The following XXYLT1 variants were observed in gnomAD, a reference collection of about 807,000 sequenced individuals.
XXYLT1 encodes UDP-xylose:alpha-xyloside alpha-1,3-xylosyltransferase.
In XXYLT1, 20 loss-of-function variants were observed where a neutral mutation model predicts 28.9. The observed-to-expected ratio is 0.69, with a 90% CI of 0.49 to 1.00. The LOEUF (loss-of-function observed/expected upper bound fraction) is 1.00. Ranked by LOEUF, XXYLT1 falls within the 50% of genes least tolerant of loss-of-function variation. XXYLT1 has a pLI of 0.00. For missense variants in XXYLT1, 542 were observed against 560.1 expected, an observed-to-expected ratio of 0.97 and a Z score of 0.33; for synonymous variants, 257 against 253.8, an observed-to-expected ratio of 1.01 and a Z score of -0.12.
intron 2 of XXYLT1, among the ~76,000 whole-genome samples, chr3:195,208,966 G>C (rs1208457459): frequency 1.3e-5 from 2 of 152,200 alleles, no homozygotes; most frequent in Non-Finnish European, 2.9e-5. Context: ...AAATTTCACA[G>C]GTCTGTGATT....
At chr3:195,236,677 C>A (rs1188225754) in intron 1 of XXYLT1, among the ~76,000 whole-genome samples, 4 of 152,044 alleles carry the variant, frequency 2.6e-5, no homozygotes, top group Non-Finnish European at 5.9e-5. Flanking sequence ...TCCTCGTTAA[C>A]CACCACAGCT....
chr3:195,255,163 A>G lies in XXYLT1; in HGVS notation c.504+15392T>C, dbSNP rs1344944961. Among the ~76,000 whole-genome samples the G allele has an allele frequency of 1.3e-5, 2 of 152,244 alleles. No individual in the cohort carries two copies. Among genetic ancestry groups the G allele is most frequent in the East Asian group, 1.9e-4 (1 of 5,206 alleles). On this transcript the variant is annotated intron_variant, in intron 1 of 3. Coordinates refer to ENST00000310380, the MANE Select transcript of XXYLT1 (RefSeq NM_152531.5). The surrounding 1 kb of genome is among the most constrained non-coding windows in gnomAD (Gnocchi z 4.5). ...TGCAGAGGGAATGCAGTCCCTCAGC[A>G]AGGAGCTTCAGTCGGACTAAACCAG...
chr3:195,243,167 A>C (rs1724852421), intron 1 of XXYLT1, among the ~76,000 whole-genome samples: 1 of 151,834 alleles, frequency 6.6e-6, no homozygotes, highest in Admixed American at 6.6e-5. Context: ...CAATGAGAAC[A>C]CTTGGACACA....
At chr3:195,228,482 T>C (rs1466062548) in intron 1 of XXYLT1, among the ~76,000 whole-genome samples, 1 of 150,024 alleles carries the variant, frequency 6.7e-6, no homozygotes, top group Non-Finnish European at 1.5e-5. Flanking sequence ...TGGCCTATAT[T>C]TCACTTTTTT....
intron 3 of XXYLT1, among the ~76,000 whole-genome samples, chr3:195,113,868 G>A (rs1433938412): frequency 6.6e-6 from 1 of 152,198 alleles, no homozygotes; most frequent in East Asian, 1.9e-4. Flanking sequence ...GGCAAAGAAT[G>A]CTATGAAGAA....
intron 3 of XXYLT1, chr3:195,152,217 A>C (rs1179763192): frequency 6.6e-6 from 1 of 152,646 alleles, no homozygotes; most frequent in Non-Finnish European, 1.5e-5. Context: ...ACAAATTCAA[A>C]ATGGCACATC....
intron 3 of XXYLT1, among the ~76,000 whole-genome samples, chr3:195,119,654 C>A (rs895982658): frequency 1.8e-5 from 2 of 112,118 alleles, no homozygotes; most frequent in African/African-American, 6.4e-5. Context: ...GAGCTGGATG[C>A]CCCCAGATGA....
At chr3:195,182,768 AT>A (rs1309111593) in intron 2 of XXYLT1, among the ~76,000 whole-genome samples, 1 of 152,106 alleles carries the variant, frequency 6.6e-6, no homozygotes, top group East Asian at 1.9e-4. Flanking sequence ...TGTGAAATCT[AT>A]TTTTTCTCTC....
chr3:195,249,636 G>A (rs925083762), intron 1 of XXYLT1, among the ~76,000 whole-genome samples: 22 of 152,172 alleles, frequency 1.4e-4, no homozygotes, highest in Non-Finnish European at 2.1e-4. Context: ...CCCACGTCTC[G>A]CCGATTCCAG....
intron 3 of XXYLT1, among the ~76,000 whole-genome samples, chr3:195,145,098 CCTG>C (rs1719762927): frequency 6.6e-6 from 1 of 152,228 alleles, no homozygotes; most frequent in Non-Finnish European, 1.5e-5. Flanking sequence ...CTAGAATTAT[CCTG>C]CTTTCTTTAG....
At chr3:195,107,170 G>A (rs759100500) in intron 3 of XXYLT1, among the ~76,000 whole-genome samples, 2 of 152,008 alleles carry the variant, frequency 1.3e-5, no homozygotes, top group Non-Finnish European at 1.5e-5. Flanking sequence ...GAGTCCAGAC[G>A]CCCTTCAAAA....
rs1723231839 is a variant in XXYLT1 at position 195,209,780 on chromosome 3, T to C, written c.652+16929A>G. On this transcript the variant is annotated intron_variant, in intron 2 of 3. Coordinates refer to ENST00000310380, the MANE Select transcript of XXYLT1 (RefSeq NM_152531.5). This position sits in a 1 kb window ranked among gnomAD's most constrained non-coding sequence, Gnocchi z 5.0. ...CCCACTCTCTCTGGAGGCCCAGCTA[T>C]CGCCCGGAATATTCCAAAGGCTATC... The C allele has an allele frequency of 6.6e-6, 1 of 152,400 alleles. No homozygotes were observed. 9.4% of individuals were successfully genotyped at this position (152,400 alleles called of 1,614,324 possible). A position where few individuals can be genotyped will look rare whatever the true frequency, so the allele number is the denominator to read the frequency against.
In XXYLT1 at chr3:195,133,714, G is replaced by A. The variant is rs752152141; in HGVS notation, c.785+22735C>T. ...ACCACGTGACGACGTTGCAGTCAAC[G>A]ACAGAACACACGAACAGAGGATGGT... is the stretch of plus-strand genomic sequence containing the variant. On this transcript the variant is annotated intron_variant, in intron 3 of 3. Transcript: ENST00000310380. The surrounding 1 kb of genome is among the most constrained non-coding windows in gnomAD (Gnocchi z 4.4). Among the ~76,000 whole-genome samples, 32 of 152,176 alleles carry A rather than the reference G, an allele frequency of 2.1e-4. No individual in the cohort carries two copies. The highest frequency in any genetic ancestry group is 6.0e-4 in the African/African-American group (25 of 41,444).
chr3:195,166,492 G>C (rs1035300847), intron 2 of XXYLT1, among the ~76,000 whole-genome samples: 1 of 152,158 alleles, frequency 6.6e-6, no homozygotes, highest in Non-Finnish European at 1.5e-5. Flanking sequence ...CAGGACACTA[G>C]CAGTAACACC....
intron 2 of XXYLT1, among the ~76,000 whole-genome samples, chr3:195,193,823 A>G (rs1722517164): frequency 6.6e-6 from 1 of 152,236 alleles, no homozygotes; most frequent in African/African-American, 2.4e-5. Flanking sequence ...AGGACAGTCA[A>G]TTAGATATAC....
intron 2 of XXYLT1, among the ~76,000 whole-genome samples, chr3:195,201,897 G>T (rs1022139014): frequency 6.6e-6 from 1 of 152,166 alleles, no homozygotes; most frequent in African/African-American, 2.4e-5. Context: ...GACTAGACAG[G>T]GCCGGGCGCG....
rs568742002 is a variant in XXYLT1, at chr3:195,128,282, C to T, written c.785+28167G>A. 5.3e-5 allele frequency among the ~76,000 whole-genome samples: 8 copies of T among 152,300 alleles called. No homozygotes were observed. The East Asian group carries it at 9.6e-4, about 18-fold the overall frequency. On this transcript the variant is annotated intron_variant, in intron 3 of 3. Transcript: ENST00000310380. ...TCCTACCTGACACACCACATCATCACCCACCAGGGCGCCCAAGCCAGAACC... is the reference window on the plus strand; with the variant it reads ...TCCTACCTGACACACCACATCATCATCCACCAGGGCGCCCAAGCCAGAACC...
intron 3 of XXYLT1, chr3:195,134,710 T>G (rs74548982): frequency 6.4e-6 from 1 of 155,738 alleles, no homozygotes; most frequent in Non-Finnish European, 1.5e-5. Flanking sequence ...CGGTAAGAAA[T>G]GTATGTCTGC....
intron 3 of XXYLT1, among the ~76,000 whole-genome samples, chr3:195,074,110 A>G (rs1393241556): frequency 1.3e-5 from 2 of 151,792 alleles, no homozygotes; most frequent in Non-Finnish European, 2.9e-5. Context: ...CCCCTTTCTC[A>G]GCTCCTCAGG....
Sources: gnomAD v4.1 joint callset for allele counts (sites outside exome capture counted in the v4.1 genomes callset) on GRCh38, gnomAD v4.1.1 for gene constraint, Gnocchi (gnomAD v3.1) non-coding constraint, MANE v1.5 for transcripts, NCBI Gene and HGNC (gene_info 2026-07-23, HGNC 2026-07-21) for gene names.